Variants in GRIK4 observed in about 807,000 individuals in gnomAD.
The protein encoded by GRIK4 is glutamate ionotropic receptor kainate type subunit 4, also known as glutamate receptor ionotropic, kainate 4.
In GRIK4, 40 loss-of-function variants were observed where a neutral mutation model predicts 104.9. The ratio of observed to expected loss-of-function variants is 0.38; its 90% CI spans 0.30 to 0.50. The LOEUF is 0.50. GRIK4 is among the 20% of genes least tolerant of loss of function. The pLI is 0.93. For missense variants in GRIK4, 1,047 were observed against 1,308.1 expected, an observed-to-expected ratio of 0.80 and a Z score of 3.08; for synonymous variants, 485 against 524.9, an observed-to-expected ratio of 0.92 and a Z score of 1.04.
rs1242645102 is a variant in GRIK4, at chr11:120,549,439, G to A, written c.-159+37552G>A. 2.6e-5 allele frequency among the ~76,000 whole-genome samples: 4 copies of A among 152,144 alleles called. No homozygotes were observed. Among genetic ancestry groups the A allele is most frequent in the Admixed American group, 6.5e-5 (1 of 15,282 alleles). On this transcript the variant is annotated intron_variant, in intron 1 of 20. Coordinates refer to ENST00000527524, the MANE Select transcript of GRIK4 (RefSeq NM_014619.5). This position sits in a 1 kb window ranked among gnomAD's most constrained non-coding sequence, Gnocchi z 4.7. ...TCTTTAATAGAAGGAACATGTCCCC[G>A]TGTGGTACCATTGTTGATGTGGACA...
intron 1 of GRIK4, among the ~76,000 whole-genome samples, chr11:120,633,694 T>A (rs1443807549): frequency 6.6e-6 from 1 of 152,168 alleles, no homozygotes; most frequent in Non-Finnish European, 1.5e-5. Context: ...GGATGGGCTG[T>A]GTTAGCATTA....
chr11:120,533,429 A>T (rs1251708674), intron 1 of GRIK4, among the ~76,000 whole-genome samples: 1 of 152,202 alleles, frequency 6.6e-6, no homozygotes, highest in Non-Finnish European at 1.5e-5. Context: ...CTGAGCCTAG[A>T]GATATGGGCA....
intron 16 of GRIK4, among the ~76,000 whole-genome samples, chr11:120,958,684 G>T (rs547950190): frequency 1.3e-5 from 2 of 152,218 alleles, no homozygotes; most frequent in Non-Finnish European, 2.9e-5. Context: ...CAGCAGAGCC[G>T]ATGGGTTTGC....
At chr11:120,519,889 T>TTTTTG (rs1555132646) in intron 1 of GRIK4, among the ~76,000 whole-genome samples, 6 of 146,676 alleles carry the variant, frequency 4.1e-5, no homozygotes, top group East Asian at 2.0e-4. Context: ...TGTTTTTTTT[T>TTTTTG]TTGTTGTTGT....
chr11:120,884,454 C>T (rs529464070), intron 11 of GRIK4, among the ~76,000 whole-genome samples: 3 of 152,366 alleles, frequency 2.0e-5, no homozygotes, highest in South Asian at 2.1e-4. Context: ...GCTGTAACCA[C>T]GCAAAGACCG....
chr11:120,748,071 C>G (rs1565329365), intron 3 of GRIK4, among the ~76,000 whole-genome samples: 1 of 152,196 alleles, frequency 6.6e-6, no homozygotes, highest in Non-Finnish European at 1.5e-5. Flanking sequence ...CCATTGGGGA[C>G]TGTGATTCTG....
chr11:120,682,579 A>G (rs1257501940), intron 3 of GRIK4, among the ~76,000 whole-genome samples: 1 of 133,752 alleles, frequency 7.5e-6, no homozygotes, highest in Admixed American at 7.7e-5. Context: ...CTAGACCACT[A>G]TTTGCCCCCA....
At chr11:120,568,408 G>T (rs1180649909) in intron 1 of GRIK4, among the ~76,000 whole-genome samples, 1 of 150,112 alleles carries the variant, frequency 6.7e-6, no homozygotes, top group African/African-American at 2.5e-5. Flanking sequence ...TTTTTTTTGA[G>T]ACAGAGTCTT....
At chr11:120,681,338 C>T (rs55951533) in intron 3 of GRIK4, among the ~76,000 whole-genome samples, 149 of 152,280 alleles carry the variant, frequency 9.8e-4, no homozygotes, top group African/African-American at 3.6e-3. Context: ...CATCAGCTCT[C>T]CAAGCCTCAG....
chr11:120,802,987 A>G (rs1391326006), intron 4 of GRIK4, 130 bp downstream of exon 4: 22 of 822,808 alleles, frequency 2.7e-5, no homozygotes, highest in Non-Finnish European at 4.2e-5. Context: ...GAAGGAGAGG[A>G]ACTTGAACCA....
At chr11:120,864,112 G>A (rs1229712743) in intron 9 of GRIK4, among the ~76,000 whole-genome samples, 2 of 152,174 alleles carry the variant, frequency 1.3e-5, no homozygotes, top group African/African-American at 2.4e-5. Context: ...ACAGTGTCAT[G>A]TGCAGGATCA....
At chr11:120,868,637 A>C (rs1294724654) in intron 9 of GRIK4, 1 of 151,206 alleles carries the variant, frequency 6.6e-6, no homozygotes, top group East Asian at 2.0e-4. Context: ...GCTGGAGTGC[A>C]GTGGCACAAT....
rs531231578 is a variant in GRIK4 at position 120,819,564 on chromosome 11, A to G, written c.346-191A>G. 6.6e-6 allele frequency among the ~76,000 whole-genome samples: 1 copy of G among 152,288 alleles called. No homozygotes were observed. The highest frequency in any genetic ancestry group is 2.1e-4 in the South Asian group (1 of 4,822). Reference sequence around the variant, plus strand: ...TGTCCTGGGGCTGCTTCTTTGAAGCATCATCAGGGATGTCATCGCTCGTCT... The same window carrying G: ...TGTCCTGGGGCTGCTTCTTTGAAGCGTCATCAGGGATGTCATCGCTCGTCT... On this transcript the variant is annotated intron_variant, in intron 5 of 20. Transcript: ENST00000527524. The surrounding 1 kb of genome is among the most constrained non-coding windows in gnomAD (Gnocchi z 4.3).
chr11:120,767,859 A>C (rs572360468), intron 3 of GRIK4, among the ~76,000 whole-genome samples: 1 of 152,056 alleles, frequency 6.6e-6, no homozygotes, highest in Non-Finnish European at 1.5e-5. Flanking sequence ...TTGACTGTTT[A>C]TGTTTGGATT....
chr11:120,751,234 C>A (rs934518869), intron 3 of GRIK4, among the ~76,000 whole-genome samples: 6 of 151,922 alleles, frequency 3.9e-5, no homozygotes, highest in Non-Finnish European at 7.4e-5. Flanking sequence ...GCAGGCAGAG[C>A]CTTGCCAGTG....
chr11:120,937,950 G>A (rs1943633923), intron 13 of GRIK4, among the ~76,000 whole-genome samples: 1 of 152,130 alleles, frequency 6.6e-6, no homozygotes, highest in Non-Finnish European at 1.5e-5. Context: ...TGTTGACTTT[G>A]GTTAATTGAT....
At chr11:120,767,712 G>A (rs1256902670) in intron 3 of GRIK4, among the ~76,000 whole-genome samples, 1 of 152,070 alleles carries the variant, frequency 6.6e-6, no homozygotes, top group African/African-American at 2.4e-5. Flanking sequence ...TGCATTTCGA[G>A]TTTATTTTTG....
chr11:120,805,720 A>C (rs868385507), intron 4 of GRIK4, among the ~76,000 whole-genome samples: 1 of 152,188 alleles, frequency 6.6e-6, no homozygotes, highest in Non-Finnish European at 1.5e-5. Flanking sequence ...AGTTCATTGA[A>C]AGATTCCAGC....
At chr11:120,727,298 C>A (rs17311414) in intron 3 of GRIK4, among the ~76,000 whole-genome samples, 19,517 of 152,134 alleles carry the variant, frequency 0.13, 1,619 homozygotes, top group Middle Eastern at 0.2. Flanking sequence ...AGAAATTGAA[C>A]AGGGTGAGGA....
Sources: allele counts gnomAD v4.1 joint callset (sites outside exome capture counted in the v4.1 genomes callset), GRCh38; gene constraint gnomAD v4.1.1; non-coding constraint Gnocchi (gnomAD v3.1); transcripts MANE v1.5; gene names NCBI Gene and HGNC (gene_info 2026-07-23, HGNC 2026-07-21).